Variants in TENM2 observed in about 807,000 individuals in gnomAD.
TENM2 encodes teneurin-2.
A neutral mutation model predicts 245.2 loss-of-function variants in TENM2; 52 were observed. The ratio of observed to expected loss-of-function variants is 0.21; its 90% CI spans 0.17 to 0.27. The LOEUF (loss-of-function observed/expected upper bound fraction) is 0.27. Among genes scored for constraint, TENM2 ranks in the 10% least tolerant of loss-of-function variants. TENM2 has a pLI of 1.00. For missense variants in TENM2, 3,046 were observed against 3,666.8 expected (o/e 0.83, Z 4.37); for synonymous variants, 1,363 against 1,438.9 (o/e 0.95, Z 1.19).
chr5:167,504,344 T>C (rs1210499309), intron 2 of TENM2, among the ~76,000 whole-genome samples: 2 of 152,202 alleles, frequency 1.3e-5, no homozygotes, highest in Admixed American at 6.5e-5. Flanking sequence ...CAACCACTGT[T>C]ACAATAATTT....
the TENM2 span, among the ~76,000 whole-genome samples, chr5:166,998,374 G>T: frequency 7.7e-4 from 117 of 152,262 alleles, no homozygotes; most frequent in African/African-American, 2.7e-3. Flanking sequence ...TGCCATGATT[G>T]TAGTAATGTT....
At chr5:167,973,098 C>T (rs1387865004) in intron 4 of TENM2, among the ~76,000 whole-genome samples, 1 of 152,198 alleles carries the variant, frequency 6.6e-6, no homozygotes, top group Non-Finnish European at 1.5e-5. Flanking sequence ...ATAAGAATGT[C>T]TAAAAAGACC....
intron 2 of TENM2, among the ~76,000 whole-genome samples, chr5:167,634,102 T>C (rs1427104354): frequency 2.0e-5 from 3 of 152,120 alleles, no homozygotes; most frequent in African/African-American, 7.2e-5. Context: ...AACTGCAGGG[T>C]TGGGACAAGG....
chr5:167,276,518 T>C, the TENM2 span, among the ~76,000 whole-genome samples: 1 of 151,992 alleles, frequency 6.6e-6, no homozygotes, highest in Non-Finnish European at 1.5e-5. Context: ...GTTTTTTGAG[T>C]TTTTTGAGAA....
At chr5:168,044,409 C>A (rs1192692115) in intron 5 of TENM2, among the ~76,000 whole-genome samples, 1 of 152,150 alleles carries the variant, frequency 6.6e-6, no homozygotes, top group African/African-American at 2.4e-5. Context: ...TGATTGGCAG[C>A]AGGTGTTGAT....
the TENM2 span, among the ~76,000 whole-genome samples, chr5:167,095,392 G>T: frequency 6.6e-6 from 1 of 152,126 alleles, no homozygotes; most frequent in Non-Finnish European, 1.5e-5. Flanking sequence ...AAATAAAGAA[G>T]GGGGATTGGG....
chr5:167,408,734 C>G (rs1467927816), intron 2 of TENM2, among the ~76,000 whole-genome samples: 1 of 151,236 alleles, frequency 6.6e-6, no homozygotes, highest in African/African-American at 2.4e-5. Context: ...TGGTATCAGC[C>G]AAGACATAGT....
intron 5 of TENM2, among the ~76,000 whole-genome samples, chr5:168,039,414 T>C (rs1368360): frequency 0.21 from 31,448 of 151,670 alleles, 4,373 homozygotes; most frequent in African/African-American, 0.38. Context: ...TGTGGGGATG[T>C]GTTTCGTTAT....
At chr5:167,742,135 T>A (rs1391453866) in intron 2 of TENM2, among the ~76,000 whole-genome samples, 1 of 152,210 alleles carries the variant, frequency 6.6e-6, no homozygotes, top group African/African-American at 2.4e-5. Flanking sequence ...AGCCTAGAGT[T>A]TTCTTATGCT....
At chr5:167,879,700 T>G (rs1052696427) in intron 3 of TENM2, among the ~76,000 whole-genome samples, 4 of 152,146 alleles carry the variant, frequency 2.6e-5, no homozygotes, top group African/African-American at 7.2e-5. Flanking sequence ...ATAAAGGGGC[T>G]TTGAACACTC....
chr5:168,150,979 T>C (rs1756597201), intron 12 of TENM2, among the ~76,000 whole-genome samples: 1 of 152,200 alleles, frequency 6.6e-6, no homozygotes, highest in East Asian at 1.9e-4. Context: ...TTGCTGAGCA[T>C]GGACAAATGG....
intron 2 of TENM2, among the ~76,000 whole-genome samples, chr5:167,774,933 G>T (rs1763661338): frequency 6.6e-6 from 1 of 152,244 alleles, no homozygotes; most frequent in African/African-American, 2.4e-5. Context: ...GTTGTCCAAG[G>T]TATGCACTGG....
At chr5:167,727,890 C>A (rs1458064139) in intron 2 of TENM2, among the ~76,000 whole-genome samples, 1 of 152,138 alleles carries the variant, frequency 6.6e-6, no homozygotes, top group Admixed American at 6.5e-5. Context: ...TCCCAGGGAC[C>A]CTTTGCCCTT....
At chr5:167,102,029 C>A in the TENM2 span, among the ~76,000 whole-genome samples, 1 of 146,958 alleles carries the variant, frequency 6.8e-6, no homozygotes, top group African/African-American at 2.5e-5. Context: ...AGTTCAAGAC[C>A]AGCCTAGCCA....
intron 2 of TENM2, among the ~76,000 whole-genome samples, chr5:167,805,107 T>C (rs909253519): frequency 6.6e-5 from 10 of 152,072 alleles, no homozygotes; most frequent in Admixed American, 4.6e-4. Context: ...AAACTTGGAA[T>C]AGGTCATGAT....
In TENM2 at chr5:168,106,574, C is replaced by T. The variant is rs567768344; in HGVS notation, c.1813+8447C>T. On this transcript the variant is annotated intron_variant, in intron 9 of 28. Coordinates refer to ENST00000518659, the Ensembl canonical transcript of TENM2. ...TGGAATTGTTGGGATTCCAACCAGG[C>T]AGTCTGGCCTGGACTTTCAACACTA... 3.3e-5 allele frequency among the ~76,000 whole-genome samples: 5 copies of T among 152,322 alleles called. 1 individual carries two copies. Among genetic ancestry groups the T allele is most frequent in the African/African-American group, 1.2e-4 (5 of 41,572 alleles).
chr5:167,378,875 T>G (rs1760927202), intron 2 of TENM2, among the ~76,000 whole-genome samples: 1 of 151,670 alleles, frequency 6.6e-6, no homozygotes, highest in African/African-American at 2.4e-5. Context: ...TTTTTTTTTT[T>G]TTTTTCCTTC....
intron 2 of TENM2, among the ~76,000 whole-genome samples, chr5:167,778,529 A>C (rs1763966592): frequency 6.6e-6 from 1 of 152,182 alleles, no homozygotes; most frequent in African/African-American, 2.4e-5. Context: ...GTTGTGAGAA[A>C]ATAGGGTTTC....
At chr5:167,304,701 T>C (rs1581702935) in intron 1 of TENM2, among the ~76,000 whole-genome samples, 1 of 152,268 alleles carries the variant, frequency 6.6e-6, no homozygotes, top group East Asian at 1.9e-4. Flanking sequence ...TTTAGGATAG[T>C]TTTGGATTTA....
Sources: allele counts gnomAD v4.1 joint callset (sites outside exome capture counted in the v4.1 genomes callset), GRCh38; gene constraint gnomAD v4.1.1; transcripts MANE v1.5; gene names NCBI Gene and HGNC (gene_info 2026-07-23, HGNC 2026-07-21).